The following SEC24D variants were observed in gnomAD, a reference collection of about 807,000 sequenced individuals.
SEC24D encodes SEC24 homolog D, COPII component, also known as protein transport protein Sec24D.
Under a neutral mutation model 116.9 loss-of-function variants are expected in SEC24D, and 69 were observed. The observed-to-expected ratio is 0.59, with a 90% CI of 0.49 to 0.72. The LOEUF (loss-of-function observed/expected upper bound fraction) is 0.72. Among genes scored for constraint, SEC24D ranks in the 30% least tolerant of loss-of-function variants. The pLI is 0.00. For missense variants in SEC24D, 1,131 were observed against 1,264.1 expected (o/e 0.89, Z 1.60); for synonymous variants, 405 against 442.8 (o/e 0.91, Z 1.07).
At chr4:118,827,224 C>A (rs900814724) in intron 2 of SEC24D, among the ~76,000 whole-genome samples, 2 of 152,124 alleles carry the variant, frequency 1.3e-5, no homozygotes, top group Admixed American at 6.6e-5. Flanking sequence ...TGGGGTCAGA[C>A]TGCAAAGTCC....
At chr4:118,816,991 A>T in intron 4 of SEC24D, 1 of 378,924 alleles carries the variant, frequency 2.6e-6, no homozygotes, top group Non-Finnish European at 4.8e-6. Context: ...TTATTTGTGA[A>T]ATCAGCATTT....
In SEC24D at chr4:118,751,176, C is replaced by CTTTTTTTTTTTTTTTT. The variant is rs1185148886; in HGVS notation, c.1707+804_1707+819dup. ...TAATAATGATGATTTAGAGTGAGGG[C>CTTTTTTTTTTTTTTTT]TTTTTTTTTTTTTTTTTTTGAGATG... On this transcript the variant is annotated intron_variant, in intron 13 of 22. Transcript: ENST00000280551. Among the ~76,000 whole-genome samples the CTTTTTTTTTTTTTTTT allele has an allele frequency of 8.2e-4, 82 of 100,324 alleles. 9 individuals are homozygous for CTTTTTTTTTTTTTTTT. The highest frequency in any genetic ancestry group is 1.6e-3 in the South Asian group (4 of 2,530). The allele number at this position is 100,324 out of a possible 152,430, so 65.8% of individuals were successfully genotyped here. A position where few individuals can be genotyped will look rare whatever the true frequency, so the allele number is the denominator to read the frequency against.
chr4:118,778,405 T>C lies in SEC24D; in HGVS notation c.1042-10094A>G, dbSNP rs540882951. ...TTGTTTTTGTTAGGTTTGTCAAAGA[T>C]CAGATGGTTCTAGATGTGTGGTGTT... is the stretch of plus-strand genomic sequence containing the variant. On this transcript the variant is annotated intron_variant, in intron 8 of 22. Coordinates refer to ENST00000280551, the MANE Select transcript of SEC24D (RefSeq NM_014822.4). Among the ~76,000 whole-genome samples, 3 of 152,340 alleles carry C rather than the reference T, an allele frequency of 2.0e-5. No individual in the cohort carries two copies. The South Asian group carries it at 6.2e-4, about 32-fold the overall frequency.
chr4:118,814,654 T>C (rs1730060385), intron 6 of SEC24D, among the ~76,000 whole-genome samples: 1 of 152,192 alleles, frequency 6.6e-6, no homozygotes, highest in Non-Finnish European at 1.5e-5. Flanking sequence ...TTTCTCTTAT[T>C]GAAAAGGATC....
rs1314583765 is a variant in SEC24D, at chr4:118,792,302, G to A, written c.1041+5381C>T. 3.6e-5 allele frequency among the ~76,000 whole-genome samples: 5 copies of A among 140,650 alleles called. No individual in the cohort carries two copies. In the East Asian group the frequency reaches 9.1e-4, roughly 25 times the overall value. 92.3% of individuals were successfully genotyped at this position (140,650 alleles called of 152,430 possible). On this transcript the variant is annotated intron_variant, in intron 8 of 22. Transcript: ENST00000280551. The stretch of plus-strand genomic sequence containing the variant: ...CAGCCCCCGCCCGGCCAGCTGCCCC[G>A]TCCGGGAGGTGGGGGGGCGCCTCTG...
intron 22 of SEC24D, among the ~76,000 whole-genome samples, chr4:118,726,770 T>C (rs11944212): frequency 0.018 from 2,664 of 144,622 alleles, 73 homozygotes; most frequent in African/African-American, 0.072. Flanking sequence ...TATACTGTGG[T>C]AGAAATCTTT....
intron 8 of SEC24D, among the ~76,000 whole-genome samples, chr4:118,794,673 C>A (rs1267700588): frequency 6.6e-6 from 1 of 152,194 alleles, no homozygotes. Flanking sequence ...GCAACCCCAT[C>A]CCCCTGAGAA....
chr4:118,800,717 C>T lies in SEC24D; in HGVS notation c.914-2907G>A, dbSNP rs1729395673. 2.0e-5 allele frequency among the ~76,000 whole-genome samples: 3 copies of T among 152,154 alleles called. No homozygotes were observed. In the South Asian group the frequency reaches 6.2e-4, roughly 32 times the overall value. On this transcript the variant is annotated intron_variant, in intron 7 of 22. Coordinates refer to ENST00000280551, the MANE Select transcript of SEC24D (RefSeq NM_014822.4). ...GACTGTTACGTGTAAACTCATTTAG[C>T]CCCACAATAACTCTATGGATTAATA...
intron 8 of SEC24D, among the ~76,000 whole-genome samples, chr4:118,772,019 C>T (rs1302115273): frequency 6.6e-6 from 1 of 152,184 alleles, no homozygotes; most frequent in Admixed American, 6.5e-5. Flanking sequence ...AAATTATTCA[C>T]AGATTGTATT....
intron 8 of SEC24D, among the ~76,000 whole-genome samples, chr4:118,771,227 T>A (rs185449852): frequency 1.2e-4 from 19 of 152,332 alleles, no homozygotes; most frequent in African/African-American, 4.3e-4. Flanking sequence ...CTTTTTTCCT[T>A]ACCAAGGGAA....
At chr4:118,835,558 G>C (rs1413630367) in intron 1 of SEC24D, among the ~76,000 whole-genome samples, 1 of 152,206 alleles carries the variant, frequency 6.6e-6, no homozygotes, top group Non-Finnish European at 1.5e-5. Flanking sequence ...AGATATAGTT[G>C]CCATTTTTAC....
At chr4:118,772,882 T>C (rs1462600961) in intron 8 of SEC24D, among the ~76,000 whole-genome samples, 1 of 152,148 alleles carries the variant, frequency 6.6e-6, no homozygotes, top group Non-Finnish European at 1.5e-5. Flanking sequence ...AAAGCCCAGA[T>C]TTCAGAATAC....
chr4:118,831,144 C>T lies in SEC24D; in HGVS notation c.118+2435G>A, dbSNP rs118078273. 3.3e-4 allele frequency among the ~76,000 whole-genome samples: 51 copies of T among 152,256 alleles called. 2 individuals are homozygous for T. The East Asian group carries it at 9.9e-3, about 29-fold the overall frequency. ...TCAAGCGATTCTCATGCCTTAGCCT[C>T]CCAAATAGCTGAGATTACAAGCATG... is the stretch of plus-strand genomic sequence containing the variant. On this transcript the variant is annotated intron_variant, in intron 2 of 22. Transcript: ENST00000280551.
At chr4:118,798,613 G>A (rs966185501) in intron 7 of SEC24D, among the ~76,000 whole-genome samples, 2 of 152,154 alleles carry the variant, frequency 1.3e-5, no homozygotes, top group African/African-American at 4.8e-5. Context: ...TTATGTTCTT[G>A]CAGAGGACAC....
In SEC24D at chr4:118,740,928, A is replaced by T; in HGVS notation, c.2092+13T>A. On this transcript the variant is annotated intron_variant, in intron 16 of 22. Transcript: ENST00000280551. Reference sequence around the variant, plus strand: ...TCAAGAGAGACCCGAAGAATTGTATAAATGATAATTACCTGTGCTGGTACG... The same window carrying T: ...TCAAGAGAGACCCGAAGAATTGTATTAATGATAATTACCTGTGCTGGTACG... The T allele has an allele frequency of 1.3e-6, 2 of 1,590,182 alleles. No individual in the cohort carries two copies. Among genetic ancestry groups the T allele is most frequent in the Non-Finnish European group, 1.7e-6 (2 of 1,163,402 alleles).
intron 3 of SEC24D, among the ~76,000 whole-genome samples, chr4:118,822,744 T>C (rs1396235328): frequency 6.6e-6 from 1 of 150,782 alleles, no homozygotes; most frequent in Non-Finnish European, 1.5e-5. Flanking sequence ...GCTAATTTTC[T>C]ATTTTTTTTT....
At chr4:118,777,879 T>G (rs1258060327) in intron 8 of SEC24D, among the ~76,000 whole-genome samples, 2 of 152,280 alleles carry the variant, frequency 1.3e-5, no homozygotes, top group Non-Finnish European at 2.9e-5. Flanking sequence ...GAGCATTTTT[T>G]CATGTGTCTG....
chr4:118,738,168 G>C, intron 19 of SEC24D, 93 bp downstream of exon 19: 1 of 824,844 alleles, frequency 1.2e-6, no homozygotes, highest in South Asian at 1.5e-5. Context: ...GCATCTAAGT[G>C]CCTGCAACAT....
At chr4:118,727,453 G>A (rs1365953211) in intron 22 of SEC24D, among the ~76,000 whole-genome samples, 1 of 152,108 alleles carries the variant, frequency 6.6e-6, no homozygotes, top group African/African-American at 2.4e-5. Context: ...GAACTACTGA[G>A]CACAAGGATG....
Sources: gnomAD v4.1 joint callset for allele counts (sites outside exome capture counted in the v4.1 genomes callset) on GRCh38, gnomAD v4.1.1 for gene constraint, MANE v1.5 for transcripts, NCBI Gene and HGNC (gene_info 2026-07-23, HGNC 2026-07-21) for gene names.